Variants in GABRR2 observed in about 807,000 individuals in gnomAD.
The protein encoded by GABRR2 is gamma-aminobutyric acid receptor subunit rho-2.
Under a neutral mutation model 47.0 loss-of-function variants are expected in GABRR2, and 36 were observed. The ratio of observed to expected loss-of-function variants is 0.77; its 90% CI spans 0.59 to 1.01. The LOEUF is 1.01. Ranked by LOEUF, GABRR2 falls within the 50% of genes least tolerant of loss-of-function variation. GABRR2 has a pLI of 0.00. For synonymous variants in GABRR2, 204 were observed against 227.5 expected, an observed-to-expected ratio of 0.90 and a Z score of 0.93; for missense variants, 587 against 594.6, an observed-to-expected ratio of 0.99 and a Z score of 0.13.
At chr6:89,276,867 T>C (rs1056651778) in intron 2 of GABRR2, among the ~76,000 whole-genome samples, 1 of 152,176 alleles carries the variant, frequency 6.6e-6, no homozygotes, top group Non-Finnish European at 1.5e-5. Context: ...TAAAGTATCA[T>C]TTATGAAATC....
intron 2 of GABRR2, among the ~76,000 whole-genome samples, chr6:89,272,365 C>T (rs540091264): frequency 1.3e-4 from 20 of 152,230 alleles, no homozygotes; most frequent in African/African-American, 3.1e-4. Flanking sequence ...ATCTGGCCTA[C>T]GGCAAGATTT....
intron 2 of GABRR2, among the ~76,000 whole-genome samples, chr6:89,272,551 TAGAA>T (rs139105411): frequency 0.011 from 1,722 of 152,284 alleles, 36 homozygotes; most frequent in African/African-American, 0.039. Flanking sequence ...TTTTTAAACT[TAGAA>T]AGGGAAAAAC....
At chr6:89,307,898 C>T (rs948696244) in intron 1 of GABRR2, among the ~76,000 whole-genome samples, 16 of 148,658 alleles carry the variant, frequency 1.1e-4, no homozygotes, top group East Asian at 4.0e-4. Flanking sequence ...CTCACTGCAA[C>T]CTCTGCCTCC....
Position 89,257,713 on chromosome 6 carries a change from G to A in GABRR2, c.1355C>T (p.Ser452Phe), listed in dbSNP as rs143525236. The change falls in exon 9 of 9, where the codon TCC becomes TTC. Residue 452 changes from serine (S) to phenylalanine (F), a missense_variant. Ser to Phe is a radical substitution (Grantham distance 155). Coordinates refer to ENST00000402938, the MANE Select transcript of GABRR2 (RefSeq NM_002043.5). ...DKYSRLIFPA[S>F]YIFFNLIYWS... ...ATAAATTAAGTTGAAAAATATGTAG[G>A]AGGCAGGGAATATCAACCTAGAGTA... The A allele has an allele frequency of 6.2e-7, 1 of 1,613,826 alleles. No individual in the cohort carries two copies. The highest frequency in any genetic ancestry group is 1.7e-5 in the Admixed American group (1 of 59,994).
intron 1 of GABRR2, among the ~76,000 whole-genome samples, chr6:89,311,231 T>G (rs544827137): frequency 6.6e-5 from 10 of 152,322 alleles, no homozygotes; most frequent in Non-Finnish European, 1.5e-4. Context: ...CATTAAACCG[T>G]AAGTGCAGCC....
chr6:89,269,756 C>CTTT (rs1774005438), intron 3 of GABRR2, among the ~76,000 whole-genome samples: 1 of 152,214 alleles, frequency 6.6e-6, no homozygotes, highest in African/African-American at 2.4e-5. Flanking sequence ...TGGCAAAGCA[C>CTTT]AGAGTAGATG....
At chr6:89,259,706 G>A (rs1335691929) in intron 8 of GABRR2, among the ~76,000 whole-genome samples, 3 of 151,612 alleles carry the variant, frequency 2.0e-5, no homozygotes, top group Non-Finnish European at 2.9e-5. Context: ...GTTTCACCAT[G>A]TTAGCCAGGC....
At chr6:89,295,469 A>G (rs60206943) in intron 2 of GABRR2, among the ~76,000 whole-genome samples, 3 of 151,426 alleles carry the variant, frequency 2.0e-5, no homozygotes, top group East Asian at 1.9e-4. Flanking sequence ...TCCTTTGCCC[A>G]CTTTTTGATG....
intron 1 of GABRR2, among the ~76,000 whole-genome samples, chr6:89,312,460 G>A (rs1008950358): frequency 2.0e-5 from 3 of 152,208 alleles, no homozygotes; most frequent in African/African-American, 4.8e-5. Flanking sequence ...GTGTGCATGT[G>A]TGAGGGTGAC....
At chr6:89,271,608 A>G (rs745815166) in intron 3 of GABRR2, 47 bp downstream of exon 3, 4 of 1,536,932 alleles carry the variant, frequency 2.6e-6, no homozygotes, top group Non-Finnish European at 2.7e-6. Context: ...ACCGAGGCCC[A>G]CTACACTACA....
intron 2 of GABRR2, among the ~76,000 whole-genome samples, chr6:89,277,138 A>T (rs577524282): frequency 6.6e-6 from 1 of 152,272 alleles, no homozygotes; most frequent in African/African-American, 2.4e-5. Flanking sequence ...TAACTGAATC[A>T]TGGGGGGTGG....
At position 89,302,719 on chromosome 6, in the gene GABRR2, G is replaced by A. The variant is rs1185560591; in HGVS notation, c.114-2854C>T. ...CTGGCAGTGGCCACCGTGTTCCGGG[G>A]CTGCCTGTCCATGAAGGAGGTGGAC... On this transcript the variant is annotated intron_variant, in intron 1 of 8. Transcript: ENST00000402938. The A allele has an allele frequency of 2.9e-6, 4 of 1,375,386 alleles. No homozygotes were observed. The African/African-American group carries it at 5.8e-5, about 20-fold the overall frequency. 85.2% of individuals were successfully genotyped at this position (1,375,386 alleles called of 1,614,324 possible).
intron 2 of GABRR2, among the ~76,000 whole-genome samples, chr6:89,280,247 T>TATATATACATAC (rs1774235873): frequency 2.0e-5 from 2 of 101,328 alleles, no homozygotes; most frequent in Non-Finnish European, 4.1e-5. Context: ...TATATATATA[T>TATATATACATAC]ATATATACAT....
chr6:89,275,801 T>A (rs1774148617), intron 2 of GABRR2, among the ~76,000 whole-genome samples: 1 of 152,144 alleles, frequency 6.6e-6, no homozygotes, highest in Admixed American at 6.5e-5. Flanking sequence ...TCGTACTTCA[T>A]ATATTGTACA....
chr6:89,275,944 C>T (rs1376198740), intron 2 of GABRR2, among the ~76,000 whole-genome samples: 1 of 151,968 alleles, frequency 6.6e-6, no homozygotes, highest in African/African-American at 2.4e-5. Flanking sequence ...CAAGCAACCT[C>T]GGGTGTTAAT....
chr6:89,293,833 C>A (rs1774510027), intron 2 of GABRR2, among the ~76,000 whole-genome samples: 1 of 152,110 alleles, frequency 6.6e-6, no homozygotes, highest in African/African-American at 2.4e-5. Context: ...AGCATTTCTC[C>A]CAACAAAAGG....
rs955863014 is a variant in GABRR2 at position 89,269,025 on chromosome 6, C to T, written c.498G>A (p.Val166=). 1 of 1,613,820 alleles carries T rather than the reference C, an allele frequency of 6.2e-7. No individual in the cohort carries two copies. The highest frequency in any genetic ancestry group is 1.3e-5 in the African/African-American group (1 of 75,058). The change falls in exon 4 of 9, where the codon GTG becomes GTA. Residue 166 remains valine (V), a synonymous_variant. Coordinates refer to ENST00000402938, the MANE Select transcript of GABRR2 (RefSeq NM_002043.5). ...CAGACAGCTACCTCATGCTGTACAG[C>T]ACGTGTCCATCTGGGAACACCCTCA... The part of the protein sequence containing the change: ...IMLRVFPDGH[V]LYSMRITVTA...
chr6:89,266,373 T>G (rs2127829867), intron 6 of GABRR2, among the ~76,000 whole-genome samples: 1 of 152,376 alleles, frequency 6.6e-6, no homozygotes, highest in South Asian at 2.1e-4. Context: ...GAGGTTGGAA[T>G]AGTTCTATTT....
chr6:89,257,735 A>G lies in GABRR2; in HGVS notation c.1333T>C (p.Ser445Pro). Residue 445 changes from serine (S) to proline (P), a missense_variant, in exon 9 of 9, where the codon TCT (serine) becomes CCT (proline). Physicochemically the swap from Ser to Pro is moderately conservative, Grantham distance 74. Transcript: ENST00000402938. ...TAGGAGGCAGGGAATATCAACCTAG[A>G]GTATTTGTCAATGGCATGGGTATTC... ...FQNTHAIDKY[S>P]RLIFPASYIF... 6.2e-7 allele frequency: 1 copy of G among 1,614,010 alleles called. No homozygotes were observed. Among genetic ancestry groups the G allele is most frequent in the Admixed American group, 1.7e-5 (1 of 60,032 alleles).
Sources: allele counts gnomAD v4.1 joint callset (sites outside exome capture counted in the v4.1 genomes callset), GRCh38; gene constraint gnomAD v4.1.1; transcripts MANE v1.5; gene names NCBI Gene and HGNC (gene_info 2026-07-23, HGNC 2026-07-21).